Variants in MALRD1 observed in about 807,000 individuals in gnomAD.
MALRD1 encodes the protein MAM and LDL-receptor class A domain-containing protein 1.
In MALRD1, 247 loss-of-function variants were observed where a neutral mutation model predicts 242.1. The observed-to-expected ratio is 1.02, with a 90% CI of 0.92 to 1.13. The LOEUF (loss-of-function observed/expected upper bound fraction) is 1.13. MALRD1 is among the 50% of genes most tolerant of loss of function. The pLI, the probability that MALRD1 is intolerant of heterozygous loss-of-function variation, is 0.00. For synonymous variants in MALRD1, 995 were observed against 866.6 expected, an observed-to-expected ratio of 1.15 and a Z score of -2.60; for missense variants, 2,989 against 2,533.1, an observed-to-expected ratio of 1.18 and a Z score of -3.86.
intron 14 of MALRD1, among the ~76,000 whole-genome samples, chr10:19,197,818 C>T (rs888051982): frequency 5.9e-5 from 9 of 152,206 alleles, no homozygotes; most frequent in African/African-American, 2.2e-4. Context: ...CTAATGTCCA[C>T]ACCCCCCTGG....
In MALRD1 at chr10:19,511,605, A is replaced by G. The variant is rs565866962; in HGVS notation, c.5320+12959A>G. Among the ~76,000 whole-genome samples the G allele has an allele frequency of 9.7e-4, 148 of 152,334 alleles. 1 individual carries two copies. The highest frequency in any genetic ancestry group is 7.9e-3 in the South Asian group (38 of 4,826). On this transcript the variant is annotated intron_variant, in intron 31 of 39. Transcript: ENST00000454679. ...TGTTAGCTTTAAACAAGGAATATGAATATGTGAATCTAAAAGTCTAACCCT... is the reference window on the plus strand; with the variant it reads ...TGTTAGCTTTAAACAAGGAATATGAGTATGTGAATCTAAAAGTCTAACCCT...
chr10:19,583,941 G>A (rs995145100), intron 33 of MALRD1, among the ~76,000 whole-genome samples: 3 of 152,116 alleles, frequency 2.0e-5, no homozygotes, highest in Non-Finnish European at 4.4e-5. Flanking sequence ...CTTCTTCCTG[G>A]TTTAGTCTTG....
chr10:19,656,509 A>T (rs899265407), intron 36 of MALRD1, among the ~76,000 whole-genome samples: 1 of 152,136 alleles, frequency 6.6e-6, no homozygotes, highest in Non-Finnish European at 1.5e-5. Flanking sequence ...CTGAAGGGCC[A>T]CCATTCATTC....
Position 19,389,561 on chromosome 10 carries a change from G to C in MALRD1, c.4797G>C (p.Trp1599Cys). The C allele has an allele frequency of 1.9e-6, 3 of 1,550,694 alleles. No individual in the cohort carries two copies. The highest frequency in any genetic ancestry group is 2.6e-6 in the Non-Finnish European group (3 of 1,146,968). Residue 1599 changes from tryptophan to cysteine, a missense_variant, in exon 28 of 40, where the codon TGG becomes TGC. Transcript: ENST00000454679. ...GTGCAGCCTGCACCATGAGCTTCTGGTATTTCGTATCTGCAAAGGCCACAG... is the reference window on the plus strand; with the variant it reads ...GTGCAGCCTGCACCATGAGCTTCTGCTATTTCGTATCTGCAAAGGCCACAG... ...ESSAACTMSFWYFVSAKATGS... is the reference protein window; with the variant it reads ...ESSAACTMSFCYFVSAKATGS...
At chr10:19,586,446 A>T (rs914434658) in intron 33 of MALRD1, among the ~76,000 whole-genome samples, 3 of 152,082 alleles carry the variant, frequency 2.0e-5, no homozygotes, top group African/African-American at 7.2e-5. Context: ...CTTCTAACGG[A>T]CAGGACCCTC....
intron 36 of MALRD1, among the ~76,000 whole-genome samples, chr10:19,677,686 T>C (rs971175905): frequency 6.6e-6 from 1 of 152,216 alleles, no homozygotes; most frequent in African/African-American, 2.4e-5. Context: ...ATCCCATTTG[T>C]CAATGTTTGC....
At chr10:19,719,238 A>ACATACATACATG (rs1564567476) in intron 38 of MALRD1, among the ~76,000 whole-genome samples, 1 of 129,312 alleles carries the variant, frequency 7.7e-6, no homozygotes, top group Admixed American at 8.1e-5. Context: ...ATATATATAT[A>ACATACATACATG]TATATATATA....
chr10:19,729,973 G>A (rs11011329), intron 38 of MALRD1, among the ~76,000 whole-genome samples: 13,748 of 151,750 alleles, frequency 0.091, 787 homozygotes, highest in African/African-American at 0.16. Context: ...TCCTGACCTC[G>A]TGATCCGCCC....
intron 28 of MALRD1, among the ~76,000 whole-genome samples, chr10:19,426,368 A>C (rs1313995550): frequency 6.6e-6 from 1 of 152,214 alleles, no homozygotes; most frequent in Non-Finnish European, 1.5e-5. Flanking sequence ...TTCATTTGTC[A>C]CTTACCATGA....
chr10:19,157,331 G>T (rs567802282), intron 12 of MALRD1, among the ~76,000 whole-genome samples: 2 of 148,150 alleles, frequency 1.3e-5, no homozygotes, highest in Non-Finnish European at 3.0e-5. Flanking sequence ...GGAGTGCAGT[G>T]GCGCAATCTG....
At chr10:19,497,960 C>A (rs559731654) in intron 30 of MALRD1, among the ~76,000 whole-genome samples, 54 of 152,210 alleles carry the variant, frequency 3.5e-4, no homozygotes, top group Admixed American at 1.2e-3. Flanking sequence ...AAGAGAATTT[C>A]TTTCTTTAAT....
intron 31 of MALRD1, among the ~76,000 whole-genome samples, chr10:19,504,473 G>C (rs1838106993): frequency 6.6e-6 from 1 of 151,968 alleles, no homozygotes; most frequent in Admixed American, 6.6e-5. Context: ...GGTTGGACAG[G>C]GATATGGGGT....
Position 19,712,636 on chromosome 10 carries a change from A to G in MALRD1, c.6315-18070A>G, listed in dbSNP as rs1338124444. On this transcript the variant is annotated intron_variant, in intron 38 of 39. Transcript: ENST00000454679. ...AACTTCAACATTGAATTAGTTTTCAATCAAACAGATTATGTGTCTCAAAGA... is the reference window on the plus strand; with the variant it reads ...AACTTCAACATTGAATTAGTTTTCAGTCAAACAGATTATGTGTCTCAAAGA... 5.3e-5 allele frequency among the ~76,000 whole-genome samples: 8 copies of G among 152,230 alleles called. No homozygotes were observed. The East Asian group carries it at 5.8e-4, about 11-fold the overall frequency.
chr10:19,489,428 G>A (rs1837384596), intron 29 of MALRD1: 8 of 582,684 alleles, frequency 1.4e-5, no homozygotes, highest in South Asian at 8.2e-5. Flanking sequence ...TCTTATCAGT[G>A]GTCCCTGTCT....
At chr10:19,101,714 A>G (rs1836264939) in intron 4 of MALRD1, among the ~76,000 whole-genome samples, 1 of 135,614 alleles carries the variant, frequency 7.4e-6, no homozygotes, top group African/African-American at 2.7e-5. Flanking sequence ...TATATAATAT[A>G]TATTCTATAA....
chr10:19,053,624 C>T (rs1328280788), intron 1 of MALRD1, among the ~76,000 whole-genome samples: 4 of 151,918 alleles, frequency 2.6e-5, no homozygotes, highest in Non-Finnish European at 5.9e-5. Context: ...TTGTGTAAAA[C>T]CACTTTTTGA....
At chr10:19,381,462 G>A (rs980804228) in intron 26 of MALRD1, among the ~76,000 whole-genome samples, 1 of 152,092 alleles carries the variant, frequency 6.6e-6, no homozygotes, top group Non-Finnish European at 1.5e-5. Context: ...CAAATGTCTT[G>A]TCTCTAAATA....
intron 29 of MALRD1, among the ~76,000 whole-genome samples, chr10:19,484,041 A>G (rs947063460): frequency 6.6e-6 from 1 of 152,218 alleles, no homozygotes; most frequent in African/African-American, 2.4e-5. Flanking sequence ...CAAATACCAC[A>G]TCTTCTCACT....
chr10:19,566,988 C>A (rs532508110), intron 32 of MALRD1, among the ~76,000 whole-genome samples: 1 of 152,024 alleles, frequency 6.6e-6, no homozygotes, highest in Non-Finnish European at 1.5e-5. Flanking sequence ...AGTCACTGAA[C>A]TATTAAAAAA....
Sources: allele counts gnomAD v4.1 joint callset (sites outside exome capture counted in the v4.1 genomes callset), GRCh38; gene constraint gnomAD v4.1.1; transcripts MANE v1.5; gene names NCBI Gene and HGNC (gene_info 2026-07-23, HGNC 2026-07-21).